Variants in C1orf21 observed in about 807,000 individuals in gnomAD.
C1orf21 encodes chromosome 1 open reading frame 21, also known as uncharacterized protein C1orf21.
A neutral mutation model predicts 18.7 loss-of-function variants in C1orf21; 3 were observed. The ratio of observed to expected loss-of-function variants is 0.16; its 90% CI spans 0.07 to 0.42. C1orf21 has a LOEUF of 0.42. Ranked by LOEUF, C1orf21 falls within the 10% of genes least tolerant of loss-of-function variation. The pLI is 0.99. For synonymous variants in C1orf21, 41 were observed against 46.4 expected, an observed-to-expected ratio of 0.88 and a Z score of 0.47; for missense variants, 104 against 143.6, an observed-to-expected ratio of 0.72 and a Z score of 1.41.
intron 3 of C1orf21, among the ~76,000 whole-genome samples, chr1:184,565,749 A>T (rs1659026059): frequency 2.0e-5 from 3 of 152,238 alleles, no homozygotes; most frequent in Admixed American, 2.0e-4. Flanking sequence ...ACACATTATT[A>T]AAGTCCTGCA....
intron 3 of C1orf21, among the ~76,000 whole-genome samples, chr1:184,513,002 G>A (rs1658173689): frequency 6.6e-6 from 1 of 152,220 alleles, no homozygotes; most frequent in South Asian, 2.1e-4. Context: ...AACTGTGCAA[G>A]TGAGGGATCT....
chr1:184,585,310 G>A (rs1320310858), intron 3 of C1orf21, among the ~76,000 whole-genome samples: 13 of 152,120 alleles, frequency 8.5e-5, no homozygotes, highest in Admixed American at 8.5e-4. Context: ...GCAACAGTAA[G>A]GTAAACTGCT....
intron 1 of C1orf21, among the ~76,000 whole-genome samples, chr1:184,475,089 T>C (rs1330544502): frequency 6.6e-6 from 1 of 152,188 alleles, no homozygotes; most frequent in African/African-American, 2.4e-5. Flanking sequence ...TCTTCCCTTC[T>C]CCCACCTTTA....
At chr1:184,552,528 T>A (rs1209790549) in intron 3 of C1orf21, among the ~76,000 whole-genome samples, 1 of 152,160 alleles carries the variant, frequency 6.6e-6, no homozygotes, top group African/African-American at 2.4e-5. Context: ...CAAAAGATGG[T>A]CATGTTCAAA....
chr1:184,541,839 G>A lies in C1orf21; in HGVS notation c.189+34157G>A, dbSNP rs1195878576. Among the ~76,000 whole-genome samples the A allele has an allele frequency of 5.3e-5, 8 of 152,322 alleles. No individual in the cohort carries two copies. In the East Asian group the frequency reaches 1.4e-3, roughly 26 times the overall value. On this transcript the variant is annotated intron_variant, in intron 3 of 5. Coordinates refer to ENST00000235307, the MANE Select transcript of C1orf21 (RefSeq NM_030806.4). ...CAGGGGGATCACGGACTGGCGTGCA[G>A]AGTTGCTCAGCTAGAAGCGTCTGAA...
intron 1 of C1orf21, among the ~76,000 whole-genome samples, chr1:184,473,927 C>T (rs934947323): frequency 2.6e-5 from 4 of 152,142 alleles, no homozygotes; most frequent in African/African-American, 9.7e-5. Flanking sequence ...TGCACAATAC[C>T]TACCAAACAC....
At chr1:184,449,136 G>T (rs1386625163) in intron 1 of C1orf21, among the ~76,000 whole-genome samples, 1 of 151,920 alleles carries the variant, frequency 6.6e-6, no homozygotes, top group Admixed American at 6.6e-5. Flanking sequence ...TGCCATGTTG[G>T]TGTGCTGCAC....
chr1:184,390,888 AC>A (rs1260603902), intron 1 of C1orf21, among the ~76,000 whole-genome samples: 1 of 152,198 alleles, frequency 6.6e-6, no homozygotes, highest in African/African-American at 2.4e-5. Flanking sequence ...ATTGCAATAG[AC>A]CAGTATAAAG....
chr1:184,544,878 G>A (rs1658706929), intron 3 of C1orf21, among the ~76,000 whole-genome samples: 1 of 152,166 alleles, frequency 6.6e-6, no homozygotes, highest in South Asian at 2.1e-4. Context: ...GGAGGCCTCA[G>A]TTCCTCACCA....
chr1:184,408,464 C>T (rs577958663), intron 1 of C1orf21: 3 of 152,186 alleles, frequency 2.0e-5, no homozygotes, highest in Non-Finnish European at 4.4e-5. Flanking sequence ...AGGGTTTGTG[C>T]TTGTAGGAAA....
intron 3 of C1orf21, among the ~76,000 whole-genome samples, chr1:184,518,792 A>C (rs1197422032): frequency 5.9e-5 from 9 of 152,138 alleles, no homozygotes; most frequent in Admixed American, 5.9e-4. Context: ...GCACAGTTGC[A>C]ACTCTCAGGA....
intron 1 of C1orf21, among the ~76,000 whole-genome samples, chr1:184,453,373 A>G (rs12063210): frequency 0.2 from 30,389 of 152,078 alleles, 3,339 homozygotes; most frequent in African/African-American, 0.3. Flanking sequence ...CTTTTGCTTT[A>G]CAACTCTTTC....
At chr1:184,483,968 G>A (rs911830029) in intron 2 of C1orf21, among the ~76,000 whole-genome samples, 11 of 151,824 alleles carry the variant, frequency 7.2e-5, no homozygotes, top group Non-Finnish European at 1.3e-4. Flanking sequence ...CCATCGCCCA[G>A]GCTGGAGTGC....
At chr1:184,617,609 G>A (rs920144481) in intron 5 of C1orf21, among the ~76,000 whole-genome samples, 2 of 152,164 alleles carry the variant, frequency 1.3e-5, no homozygotes, top group African/African-American at 2.4e-5. Flanking sequence ...CTGCCCATGG[G>A]ATGACTGGCA....
At chr1:184,606,788 T>A (rs1320385787) in intron 5 of C1orf21, among the ~76,000 whole-genome samples, 1 of 152,098 alleles carries the variant, frequency 6.6e-6, no homozygotes, top group African/African-American at 2.4e-5. Context: ...AAAATAGGAT[T>A]CTTGTCTTTA....
chr1:184,529,246 A>G (rs951797295), intron 3 of C1orf21, among the ~76,000 whole-genome samples: 1 of 152,050 alleles, frequency 6.6e-6, no homozygotes, highest in African/African-American at 2.4e-5. Context: ...TCAATTAGTA[A>G]CATTTCTTGA....
Position 184,432,606 on chromosome 1 carries a change from A to G in C1orf21, c.-124-44780A>G, listed in dbSNP as rs182395965. Among the ~76,000 whole-genome samples, 114 of 152,210 alleles carry G rather than the reference A, an allele frequency of 7.5e-4. No homozygotes were observed. The Middle Eastern group carries it at 0.034, about 45-fold the overall frequency. On this transcript the variant is annotated intron_variant, in intron 1 of 5. Transcript: ENST00000235307. ...TGGGTGCAGCAAACCACCGTGGCACATGTATACCTATGTAACAAACCTGCA... is the reference window on the plus strand; with the variant it reads ...TGGGTGCAGCAAACCACCGTGGCACGTGTATACCTATGTAACAAACCTGCA...
At chr1:184,404,219 T>C (rs1429731782) in intron 1 of C1orf21, among the ~76,000 whole-genome samples, 1 of 152,232 alleles carries the variant, frequency 6.6e-6, no homozygotes, top group Non-Finnish European at 1.5e-5. Flanking sequence ...AGCCTGTGTT[T>C]TCAGCTTTCT....
At chr1:184,610,590 T>C (rs755359349) in intron 5 of C1orf21, among the ~76,000 whole-genome samples, 1 of 152,186 alleles carries the variant, frequency 6.6e-6, no homozygotes, top group Non-Finnish European at 1.5e-5. Context: ...CTCACGCCTG[T>C]AATCCCAGCA....
Sources: gnomAD v4.1 joint callset for allele counts (sites outside exome capture counted in the v4.1 genomes callset) on GRCh38, gnomAD v4.1.1 for gene constraint, MANE v1.5 for transcripts, NCBI Gene and HGNC (gene_info 2026-07-23, HGNC 2026-07-21) for gene names.